Variants in PPP1R7 observed in about 807,000 individuals in gnomAD.
PPP1R7 encodes protein phosphatase 1 regulatory subunit 22.
PPP1R7 carries 18 observed loss-of-function variants against 45.2 expected under a neutral mutation model. That is an observed-to-expected ratio of 0.40 (90% CI 0.28 to 0.59). The LOEUF (loss-of-function observed/expected upper bound fraction) is 0.59, where lower values mean the gene tolerates loss of function less well. PPP1R7 is among the 20% of genes least tolerant of loss of function. The probability of loss-of-function intolerance (pLI) is 0.46; values close to 1 mark genes in which losing one functional copy is unlikely to be tolerated. For synonymous variants in PPP1R7, 181 were observed against 183.4 expected, an observed-to-expected ratio of 0.99 and a Z score of 0.11; for missense variants, 314 against 455.8, an observed-to-expected ratio of 0.69 and a Z score of 2.83.
At chr2:241,158,290 A>G (rs1048718619) in intron 3 of PPP1R7, among the ~76,000 whole-genome samples, 194 bp from the exon 4 acceptor site, 2 of 152,212 alleles carry the variant, frequency 1.3e-5, no homozygotes, top group Non-Finnish European at 2.9e-5. Flanking sequence ...TTTAAGGGCC[A>G]GTTTTACATA....
chr2:241,153,729 T>C (rs11884809), intron 2 of PPP1R7, 125 bp downstream of exon 2: 587,345 of 1,236,942 alleles, frequency 0.47, 141,864 homozygotes, highest in East Asian at 0.68. Flanking sequence ...TCCTTAGGGG[T>C]CCTCAGTGGC....
At chr2:241,159,988 T>C (rs2067548409) in intron 5 of PPP1R7, among the ~76,000 whole-genome samples, 1 of 152,240 alleles carries the variant, frequency 6.6e-6, no homozygotes, top group Non-Finnish European at 1.5e-5. Context: ...TCAATACTTC[T>C]CAGGCCCCTT....
chr2:241,150,651 C>A lies in PPP1R7; in HGVS notation c.52+104C>A. The A allele has an allele frequency of 3.8e-6, 5 of 1,328,604 alleles. No individual in the cohort carries two copies. In the South Asian group the frequency reaches 9.5e-5, roughly 25 times the overall value. 82.3% of individuals were successfully genotyped at this position (1,328,604 alleles called of 1,614,324 possible). ...GAGAAACTCCACGTCCTGCCTCTGG[C>A]CGCCGCCGCGCGGCCCCCTGACAGC... On this transcript the variant is annotated intron_variant, in intron 1 of 9. Coordinates refer to ENST00000234038, the MANE Select transcript of PPP1R7 (RefSeq NM_002712.3).
At position 241,183,581 on chromosome 2, in the gene PPP1R7, G is replaced by A. The variant is rs1001043611; in HGVS notation, c.*758G>A. ...CCAAGGATCTGAACTCTTGGCCACT[G>A]GTATAGTGGCCTCCTGTTCTCACCC... On this transcript the variant is annotated 3_prime_UTR_variant, in exon 10 of 10. Coordinates refer to ENST00000234038, the MANE Select transcript of PPP1R7 (RefSeq NM_002712.3). The A allele has an allele frequency of 1.3e-5, 5 of 380,502 alleles. No individual in the cohort carries two copies. The Admixed American group carries it at 1.5e-4, about 11-fold the overall frequency. The allele number at this position is 380,502 out of a possible 1,614,324, so 23.6% of individuals were successfully genotyped here. A position where few individuals can be genotyped will look rare whatever the true frequency, so the allele number is the denominator to read the frequency against.
At chr2:241,149,866 C>T, upstream of PPP1R7, 1 of 1,453,420 alleles carries the variant, frequency 6.9e-7, no homozygotes, top group South Asian at 1.4e-5. Flanking sequence ...GCTGGCGCCC[C>T]GGAGCCAGCC....
intron 7 of PPP1R7, 47 bp downstream of exon 7, chr2:241,163,448 C>A: frequency 4.6e-6 from 6 of 1,317,686 alleles, no homozygotes; most frequent in Non-Finnish European, 6.6e-6. Context: ...CTGGCAGGGC[C>A]AGCGCTGCTG....
At chr2:241,177,227 G>A (rs1189422853) in intron 9 of PPP1R7, among the ~76,000 whole-genome samples, 2 of 151,988 alleles carry the variant, frequency 1.3e-5, no homozygotes, top group Admixed American at 1.3e-4. Context: ...GACCATCCTA[G>A]CCAACATGGT....
At chr2:241,174,018 G>A in intron 9 of PPP1R7, among the ~76,000 whole-genome samples, 1 of 151,360 alleles carries the variant, frequency 6.6e-6, no homozygotes, top group East Asian at 1.9e-4. Flanking sequence ...TAGATCCTGG[G>A]CTTTATGGTG....
chr2:241,156,967 CGT>C (rs1289866335), intron 2 of PPP1R7, among the ~76,000 whole-genome samples: 2 of 152,098 alleles, frequency 1.3e-5, no homozygotes, highest in African/African-American at 2.4e-5. Flanking sequence ...TTTGTGCATG[CGT>C]GTGTGTGTGC....
chr2:241,183,574 G>C lies in PPP1R7; in HGVS notation c.*751G>C, dbSNP rs905170263. The C allele has an allele frequency of 5.0e-6, 2 of 400,266 alleles. No homozygotes were observed. Among genetic ancestry groups the C allele is most frequent in the African/African-American group, 4.2e-5 (2 of 47,194 alleles). The allele number at this position is 400,266 out of a possible 1,614,324, so 24.8% of individuals were successfully genotyped here. On this transcript the variant is annotated 3_prime_UTR_variant, in exon 10 of 10. Coordinates refer to ENST00000234038, the MANE Select transcript of PPP1R7 (RefSeq NM_002712.3). ...ACGGCCTCCAAGGATCTGAACTCTTGGCCACTGGTATAGTGGCCTCCTGTT... is the reference window on the plus strand; with the variant it reads ...ACGGCCTCCAAGGATCTGAACTCTTCGCCACTGGTATAGTGGCCTCCTGTT...
At position 241,183,132 on chromosome 2, in the gene PPP1R7, C is replaced by A. The variant is rs2068036751; in HGVS notation, c.*309C>A. 1 of 417,244 alleles carries A rather than the reference C, an allele frequency of 2.4e-6. No individual in the cohort carries two copies. Among genetic ancestry groups the A allele is most frequent in the African/African-American group, 2.0e-5 (1 of 49,404 alleles). 25.8% of individuals were successfully genotyped at this position (417,244 alleles called of 1,614,324 possible). A position where few individuals can be genotyped will look rare whatever the true frequency, so the allele number is the denominator to read the frequency against. On this transcript the variant is annotated 3_prime_UTR_variant, in exon 10 of 10. Coordinates refer to ENST00000234038, the MANE Select transcript of PPP1R7 (RefSeq NM_002712.3). ...CCTTCTCTCAGAAGGCAGTCACAGT[C>A]CCTACCTGAGTCGTGTGAAACACAG... is the stretch of plus-strand genomic sequence containing the variant.
At chr2:241,150,058 C>T, upstream of PPP1R7, 1 of 1,344,766 alleles carries the variant, frequency 7.4e-7, no homozygotes. Flanking sequence ...GTCAGGGATG[C>T]ACGTAGGACT....
At position 241,183,574 on chromosome 2, in the gene PPP1R7, G is replaced by A. The variant is rs905170263; in HGVS notation, c.*751G>A. 7.5e-6 allele frequency: 3 copies of A among 400,266 alleles called. No individual in the cohort carries two copies. Among genetic ancestry groups the A allele is most frequent in the Non-Finnish European group, 1.0e-5 (2 of 195,242 alleles). The allele number at this position is 400,266 out of a possible 1,614,324, so 24.8% of individuals were successfully genotyped here. Reference sequence around the variant, plus strand: ...ACGGCCTCCAAGGATCTGAACTCTTGGCCACTGGTATAGTGGCCTCCTGTT... The same window carrying A: ...ACGGCCTCCAAGGATCTGAACTCTTAGCCACTGGTATAGTGGCCTCCTGTT... On this transcript the variant is annotated 3_prime_UTR_variant, in exon 10 of 10. Transcript: ENST00000234038.
At chr2:241,173,751 C>T (rs12052806) in intron 9 of PPP1R7, among the ~76,000 whole-genome samples, 9,146 of 152,276 alleles carry the variant, frequency 0.06, 867 homozygotes, top group East Asian at 0.46. Context: ...CTGCTCCACC[C>T]CTTGGGCTTT....
At chr2:241,174,839 T>C (rs2067882827) in intron 9 of PPP1R7, among the ~76,000 whole-genome samples, 1 of 152,062 alleles carries the variant, frequency 6.6e-6, no homozygotes, top group African/African-American at 2.4e-5. Flanking sequence ...CACGCCTGGC[T>C]AATTTTTTTT....
intron 8 of PPP1R7, among the ~76,000 whole-genome samples, chr2:241,167,477 G>GC (rs1196170430): frequency 6.6e-6 from 1 of 152,194 alleles, no homozygotes; most frequent in East Asian, 1.9e-4. Flanking sequence ...GTGGAATGGC[G>GC]CTGAGGACTG....
intron 8 of PPP1R7, chr2:241,166,905 A>T: frequency 1.4e-6 from 1 of 707,288 alleles, no homozygotes; most frequent in Non-Finnish European, 2.4e-6. Context: ...CAGAGAGCAC[A>T]GGACCAGCTC....
chr2:241,163,317 G>A lies in PPP1R7; in HGVS notation c.630G>A (p.Leu210=), dbSNP rs774412618. The A allele has an allele frequency of 3.7e-6, 6 of 1,613,746 alleles. No homozygotes were observed. The highest frequency in any genetic ancestry group is 2.5e-6 in the Non-Finnish European group (3 of 1,179,690). ...AIENIDTLTN[L]ESLFLGKNKI... ...AAAATATCGACACCTTAACCAACCT[G>A]GAGAGTTTGTTTTTGGGGAAAAACA... Residue 210 remains leucine (L), a synonymous_variant, in exon 7 of 10, where the codon CTG becomes CTA. Coordinates refer to ENST00000234038, the MANE Select transcript of PPP1R7 (RefSeq NM_002712.3).
In PPP1R7 at chr2:241,163,768, T is replaced by C. The variant is rs556536056; in HGVS notation, c.714+367T>C. On this transcript the variant is annotated intron_variant, in intron 7 of 9. Coordinates refer to ENST00000234038, the MANE Select transcript of PPP1R7 (RefSeq NM_002712.3). Reference sequence around the variant, plus strand: ...ACAGGCATGCACCACGACCTTCAGCTAATATTTTGTCAAGGGGGTGAGGAA... The same window carrying C: ...ACAGGCATGCACCACGACCTTCAGCCAATATTTTGTCAAGGGGGTGAGGAA... Among the ~76,000 whole-genome samples the C allele has an allele frequency of 8.5e-5, 13 of 152,142 alleles. No homozygotes were observed. The East Asian group carries it at 1.9e-3, about 23-fold the overall frequency.
Sources: allele counts gnomAD v4.1 joint callset (sites outside exome capture counted in the v4.1 genomes callset), GRCh38; gene constraint gnomAD v4.1.1; transcripts MANE v1.5; gene names NCBI Gene and HGNC (gene_info 2026-07-23, HGNC 2026-07-21).